The following SNX29 variants were observed in gnomAD, a reference collection of about 807,000 sequenced individuals.
The protein encoded by SNX29 is sorting nexin-29.
A neutral mutation model predicts 102.1 loss-of-function variants in SNX29; 78 were observed. The ratio of observed to expected loss-of-function variants is 0.76; its 90% confidence interval spans 0.64 to 0.92. SNX29 has a LOEUF of 0.92. SNX29 is among the 40% of genes least tolerant of loss of function. The probability of loss-of-function intolerance (pLI) is 0.00; values close to 1 mark genes in which losing one functional copy is unlikely to be tolerated. For synonymous variants in SNX29, 580 were observed against 414.5 expected (o/e 1.40, Z -4.85); for missense variants, 1,280 against 1,061.7 (o/e 1.21, Z -2.86).
At chr16:12,135,466 G>A in intron 13 of SNX29, 1 of 1,280,362 alleles carries the variant, frequency 7.8e-7, no homozygotes, top group South Asian at 1.2e-5. Context: ...AGGAGGGCAT[G>A]TGACCAGGAT....
intron 20 of SNX29, among the ~76,000 whole-genome samples, chr16:12,551,082 T>C (rs1168964632): frequency 3.3e-5 from 5 of 152,142 alleles, no homozygotes; most frequent in African/African-American, 1.2e-4. Context: ...CTCCATGTGA[T>C]CCTCTCTTTG....
At chr16:12,036,536 G>A (rs1342833889) in intron 4 of SNX29, among the ~76,000 whole-genome samples, 5 of 151,970 alleles carry the variant, frequency 3.3e-5, no homozygotes, top group South Asian at 4.2e-4. Flanking sequence ...GGGTTTCACC[G>A]TGTTAGCCAG....
At chr16:12,473,242 A>G (rs1261247143) in intron 18 of SNX29, among the ~76,000 whole-genome samples, 1 of 152,234 alleles carries the variant, frequency 6.6e-6, no homozygotes, top group African/African-American at 2.4e-5. Context: ...CTAACTTTGG[A>G]TGTTTGAAGC....
At chr16:12,539,481 A>G (rs2077226333) in intron 20 of SNX29, among the ~76,000 whole-genome samples, 1 of 152,248 alleles carries the variant, frequency 6.6e-6, no homozygotes, top group South Asian at 2.1e-4. Flanking sequence ...CGGTTTATCT[A>G]GTCATAAAGG....
At chr16:12,459,618 G>C (rs768092243) in intron 18 of SNX29, among the ~76,000 whole-genome samples, 1 of 152,184 alleles carries the variant, frequency 6.6e-6, no homozygotes, top group Non-Finnish European at 1.5e-5. Flanking sequence ...GGGCTGGGTG[G>C]AGGGAGTGTC....
At chr16:12,553,941 C>T (rs1236958944) in intron 20 of SNX29, among the ~76,000 whole-genome samples, 1 of 152,156 alleles carries the variant, frequency 6.6e-6, no homozygotes, top group African/African-American at 2.4e-5. Context: ...AATTCTCCTG[C>T]CTCAGCCACC....
In SNX29 at chr16:12,304,061, G is replaced by A. The variant is rs576101796; in HGVS notation, c.1782+26025G>A. Among the ~76,000 whole-genome samples, 7 of 152,298 alleles carry A rather than the reference G, an allele frequency of 4.6e-5. No individual in the cohort carries two copies. The South Asian group carries it at 1.0e-3, about 23-fold the overall frequency. ...AAGGCAGTTGTTGCCTATGCATATC[G>A]TGTGTAATAAGAATGATTTCTACCT... On this transcript the variant is annotated intron_variant, in intron 15 of 20. Transcript: ENST00000566228.
intron 20 of SNX29, among the ~76,000 whole-genome samples, chr16:12,540,622 A>G (rs1054453130): frequency 3.3e-5 from 5 of 152,258 alleles, no homozygotes; most frequent in East Asian, 1.9e-4. Context: ...GTGGACCTAA[A>G]GAGTCCAGGA....
rs28700068 is a variant in SNX29, at chr16:12,154,374, C to G, written c.1595+24616C>G. On this transcript the variant is annotated intron_variant, in intron 13 of 20. Coordinates refer to ENST00000566228, the MANE Select transcript of SNX29 (RefSeq NM_032167.5). ...CCCCACAGTGGGAGCTGGCTTCCCT[C>G]TCCCCTCTGACACCCCTGAGGTGGA... is the stretch of plus-strand genomic sequence containing the variant. Among the ~76,000 whole-genome samples the G allele has an allele frequency of 8.5e-5, 13 of 152,310 alleles. No homozygotes were observed. In the East Asian group the frequency reaches 2.5e-3, roughly 29 times the overall value.
intron 14 of SNX29, among the ~76,000 whole-genome samples, chr16:12,248,890 C>A (rs1414858231): frequency 6.6e-6 from 1 of 152,126 alleles, no homozygotes; most frequent in Non-Finnish European, 1.5e-5. Flanking sequence ...AAGGACTGTT[C>A]TATTCTCTGC....
chr16:12,487,513 C>T (rs1331752454), intron 19 of SNX29, among the ~76,000 whole-genome samples: 1 of 152,134 alleles, frequency 6.6e-6, no homozygotes, highest in Non-Finnish European at 1.5e-5. Flanking sequence ...CTTGTAAGTG[C>T]CGGAGCCAGG....
In SNX29 at chr16:12,056,237, C is replaced by A. The variant is rs866587929; in HGVS notation, c.1124+4015C>A. Among the ~76,000 whole-genome samples, 8 of 152,306 alleles carry A rather than the reference C, an allele frequency of 5.3e-5. No individual in the cohort carries two copies. In the East Asian group the frequency reaches 1.2e-3, roughly 22 times the overall value. On this transcript the variant is annotated intron_variant, in intron 8 of 20. Coordinates refer to ENST00000566228, the MANE Select transcript of SNX29 (RefSeq NM_032167.5). ...GAGGAGATGCTGCTTGCTGATGCCA[C>A]TGAGTGTAGCCCCATGGGTGAGGCT...
At chr16:12,035,676 T>G (rs1187283760) in intron 4 of SNX29, among the ~76,000 whole-genome samples, 2 of 152,220 alleles carry the variant, frequency 1.3e-5, no homozygotes, top group African/African-American at 4.8e-5. Context: ...ATACCATGTG[T>G]GGCTGATTCT....
At chr16:12,003,625 A>C (rs2056363942) in intron 3 of SNX29, among the ~76,000 whole-genome samples, 1 of 152,240 alleles carries the variant, frequency 6.6e-6, no homozygotes, top group African/African-American at 2.4e-5. Flanking sequence ...CTGAGGTAGC[A>C]GTAGGGGTAA....
chr16:12,539,639 A>G (rs2077234014), intron 20 of SNX29, among the ~76,000 whole-genome samples: 1 of 152,212 alleles, frequency 6.6e-6, no homozygotes, highest in Non-Finnish European at 1.5e-5. Context: ...TAAATGTAAG[A>G]AACTGCATTC....
intron 16 of SNX29, among the ~76,000 whole-genome samples, chr16:12,384,580 G>T (rs1349854077): frequency 6.6e-6 from 1 of 152,124 alleles, no homozygotes; most frequent in Non-Finnish European, 1.5e-5. Flanking sequence ...TTTTTTTCTT[G>T]TTGAGTTGTT....
chr16:12,200,734 C>G (rs370752815), intron 14 of SNX29, among the ~76,000 whole-genome samples: 2 of 152,336 alleles, frequency 1.3e-5, no homozygotes, highest in African/African-American at 4.8e-5. Flanking sequence ...ATCCGTCCGC[C>G]TCGGCCTCCC....
At chr16:12,122,429 A>G (rs1005155514) in intron 11 of SNX29, among the ~76,000 whole-genome samples, 1 of 152,040 alleles carries the variant, frequency 6.6e-6, no homozygotes, top group Non-Finnish European at 1.5e-5. Flanking sequence ...GGGCAGGCCC[A>G]CGGACTCCCA....
rs2079136894 is a variant in SNX29 at position 12,569,370 on chromosome 16, G to GA, written c.*742dup. The GA allele has an allele frequency of 1.3e-5, 3 of 230,488 alleles. No individual in the cohort carries two copies. Among genetic ancestry groups the GA allele is most frequent in the African/African-American group, 6.6e-5 (3 of 45,164 alleles). The allele number at this position is 230,488 out of a possible 1,614,324, so 14.3% of individuals were successfully genotyped here. On this transcript the variant is annotated 3_prime_UTR_variant, in exon 21 of 21. Coordinates refer to ENST00000566228, the MANE Select transcript of SNX29 (RefSeq NM_032167.5). Reference sequence around the variant, plus strand: ...GCCCTCGCCAGGCTTGGAGTGGGGGGACTCAGACATCTGGCCCAGCCATCA... The same window carrying GA: ...GCCCTCGCCAGGCTTGGAGTGGGGGGAACTCAGACATCTGGCCCAGCCATCA...
Sources: allele counts gnomAD v4.1 joint callset (sites outside exome capture counted in the v4.1 genomes callset), GRCh38; gene constraint gnomAD v4.1.1; transcripts MANE v1.5; gene names NCBI Gene and HGNC (gene_info 2026-07-23, HGNC 2026-07-21).